The following SV2C variants were observed in gnomAD, a reference collection of about 807,000 sequenced individuals.
SV2C encodes solute carrier family 22 member B3.
In SV2C, 49 loss-of-function variants were observed where a neutral mutation model predicts 79.7. The ratio of observed to expected loss-of-function variants is 0.61; its 90% CI spans 0.49 to 0.78. The LOEUF is 0.78. SV2C is among the 30% of genes least tolerant of loss of function. The pLI is 0.00. For missense variants in SV2C, 833 were observed against 912.9 expected (o/e 0.91, Z 1.13); for synonymous variants, 334 against 333.2 (o/e 1.00, Z -0.03).
At chr5:75,896,530 G>A in the SV2C span, among the ~76,000 whole-genome samples, 2 of 151,918 alleles carry the variant, frequency 1.3e-5, no homozygotes, top group African/African-American at 4.9e-5. Context: ...ACATACGTGT[G>A]CATGTGTCTT....
chr5:75,965,134 G>C, the SV2C span, among the ~76,000 whole-genome samples: 5 of 152,050 alleles, frequency 3.3e-5, no homozygotes, highest in Non-Finnish European at 5.9e-5. Context: ...TTATGACCAG[G>C]AGCACATTCA....
At chr5:76,156,414 A>G (rs987391687) in intron 2 of SV2C, among the ~76,000 whole-genome samples, 1 of 152,160 alleles carries the variant, frequency 6.6e-6, no homozygotes, top group African/African-American at 2.4e-5. Context: ...CAATCCCTGG[A>G]GAGAGGGAGG....
At chr5:76,125,827 G>C (rs1417568829) in intron 1 of SV2C, among the ~76,000 whole-genome samples, 1 of 152,174 alleles carries the variant, frequency 6.6e-6, no homozygotes, top group Admixed American at 6.5e-5. Context: ...GGAGGCTGAG[G>C]TAGGAGGACT....
chr5:76,349,916 T>C (rs560158391), intron 12 of SV2C, among the ~76,000 whole-genome samples: 2 of 152,264 alleles, frequency 1.3e-5, no homozygotes, highest in East Asian at 1.9e-4. Flanking sequence ...AGGTATGCAG[T>C]TGAAGACTTG....
At chr5:75,921,028 C>T in the SV2C span, 1 of 721,820 alleles carries the variant, frequency 1.4e-6, no homozygotes, top group Non-Finnish European at 2.5e-6. Context: ...CATCCCTAAT[C>T]ACCACCCACC....
the SV2C span, among the ~76,000 whole-genome samples, chr5:75,912,184 TAGAC>T: frequency 0.25 from 37,353 of 151,978 alleles, 5,186 homozygotes; most frequent in East Asian, 0.47. Context: ...AAAGCATCTA[TAGAC>T]AGACACTTGT....
chr5:76,211,126 G>A (rs997927543), intron 4 of SV2C, among the ~76,000 whole-genome samples: 2 of 152,106 alleles, frequency 1.3e-5, no homozygotes, highest in Non-Finnish European at 2.9e-5. Flanking sequence ...TGTGGGCTCA[G>A]TCCAAAGCTC....
the SV2C span, among the ~76,000 whole-genome samples, chr5:75,877,931 G>A: frequency 7.0e-6 from 1 of 142,660 alleles, no homozygotes. Context: ...TCGAATGCAG[G>A]GAGTGATAGA....
At chr5:76,276,226 C>T (rs1392747517) in intron 4 of SV2C, among the ~76,000 whole-genome samples, 3 of 152,172 alleles carry the variant, frequency 2.0e-5, no homozygotes, top group Non-Finnish European at 4.4e-5. Flanking sequence ...TTTACACCTT[C>T]GTTCTTATAT....
intron 4 of SV2C, among the ~76,000 whole-genome samples, chr5:76,212,557 C>T (rs531402726): frequency 1.3e-5 from 2 of 151,680 alleles, no homozygotes; most frequent in Non-Finnish European, 2.9e-5. Context: ...CTCCTTGGCT[C>T]TCGCTGAGCT....
In SV2C at chr5:76,343,203, T is replaced by C. The variant is rs374185792; in HGVS notation, c.2001-9927T>C. 7.9e-5 allele frequency among the ~76,000 whole-genome samples: 12 copies of C among 152,222 alleles called. No individual in the cohort carries two copies. The East Asian group carries it at 1.5e-3, about 19-fold the overall frequency. On this transcript the variant is annotated intron_variant, in intron 12 of 12. Coordinates refer to the SV2C transcript ENST00000322285. ...TTTCACATTTAGATCTACATTCAGC[T>C]GGAATTCATTTTTGTGTATCTTTAG...
At chr5:75,864,854 A>T in the SV2C span, among the ~76,000 whole-genome samples, 1 of 152,234 alleles carries the variant, frequency 6.6e-6, no homozygotes, top group Admixed American at 6.5e-5. Flanking sequence ...TCTCCAGCAC[A>T]TGTGATGAGT....
intron 12 of SV2C, among the ~76,000 whole-genome samples, 159 bp from the exon 13 acceptor site, chr5:76,325,205 G>T (rs1453019931): frequency 6.6e-6 from 1 of 152,154 alleles, no homozygotes; most frequent in African/African-American, 2.4e-5. Context: ...CAACAGCTAG[G>T]ATTCTCTACT....
chr5:76,317,565 C>T (rs1712206226), intron 12 of SV2C, among the ~76,000 whole-genome samples: 1 of 152,172 alleles, frequency 6.6e-6, no homozygotes, highest in African/African-American at 2.4e-5. Context: ...TGCTGTGGCT[C>T]ATGCCTGTAA....
At chr5:76,159,343 C>T (rs1213045716) in intron 2 of SV2C, among the ~76,000 whole-genome samples, 3 of 152,004 alleles carry the variant, frequency 2.0e-5, no homozygotes, top group Non-Finnish European at 2.9e-5. Context: ...AAAAGTATCT[C>T]TATTTGCAAG....
At chr5:76,100,950 T>C (rs757136880) in intron 1 of SV2C, among the ~76,000 whole-genome samples, 12 of 152,192 alleles carry the variant, frequency 7.9e-5, no homozygotes, top group Non-Finnish European at 1.8e-4. Context: ...TTTCCACACG[T>C]CCCCAAGGCT....
At chr5:75,883,377 G>A in the SV2C span, among the ~76,000 whole-genome samples, 1,816 of 144,106 alleles carry the variant, frequency 0.013, 41 homozygotes, top group African/African-American at 0.046. Context: ...TGCTGCTATA[G>A]AGACACATGC....
In SV2C at chr5:76,130,505, A is replaced by G. The variant is rs181391928; in HGVS notation, c.-101-1145A>G. 4.6e-5 allele frequency among the ~76,000 whole-genome samples: 7 copies of G among 152,330 alleles called. No homozygotes were observed. The East Asian group carries it at 7.7e-4, about 17-fold the overall frequency. On this transcript the variant is annotated intron_variant, in intron 1 of 12. Coordinates refer to ENST00000502798, the MANE Select transcript of SV2C (RefSeq NM_014979.4). ...GTAGAAATGACGATTATATAAATCA[A>G]TGTTTGGAATGCTGCCATAGCTTAA...
At chr5:76,122,202 A>G (rs1340608120) in intron 1 of SV2C, among the ~76,000 whole-genome samples, 1 of 151,258 alleles carries the variant, frequency 6.6e-6, no homozygotes, top group Non-Finnish European at 1.5e-5. Flanking sequence ...AATGCTTGTA[A>G]TTTTTGTACA....
Sources: gnomAD v4.1 joint callset for allele counts (sites outside exome capture counted in the v4.1 genomes callset) on GRCh38, gnomAD v4.1.1 for gene constraint, MANE v1.5 for transcripts, NCBI Gene and HGNC (gene_info 2026-07-23, HGNC 2026-07-21) for gene names.